The following NRXN2 variants were observed in gnomAD, a reference collection of about 807,000 sequenced individuals.
The protein encoded by NRXN2 is neurexin 2.
Under a neutral mutation model 128.8 loss-of-function variants are expected in NRXN2, and 29 were observed. The ratio of observed to expected loss-of-function variants is 0.23; its 90% CI spans 0.17 to 0.31. The LOEUF (loss-of-function observed/expected upper bound fraction) is 0.31. Among genes scored for constraint, NRXN2 ranks in the 10% least tolerant of loss-of-function variants. The probability of loss-of-function intolerance (pLI) is 1.00; values close to 1 mark genes in which losing one functional copy is unlikely to be tolerated. For synonymous variants in NRXN2, 1,098 were observed against 1,075.2 expected (o/e 1.02, Z -0.41); for missense variants, 1,881 against 2,452.6 (o/e 0.77, Z 4.92).
At position 64,716,638 on chromosome 11, in the gene NRXN2, G is replaced by A. The variant is rs183526748; in HGVS notation, c.-244-2695C>T. ...TTATGTGGTGCCTCCAGGGAGGGTC[G>A]GAAGCAGGGTCTGGGCCTGCGGCCC... On this transcript the variant is annotated intron_variant, in intron 1 of 22. Coordinates refer to ENST00000265459, the MANE Select transcript of NRXN2 (RefSeq NM_015080.4). Among the ~76,000 whole-genome samples, 43 of 152,230 alleles carry A rather than the reference G, an allele frequency of 2.8e-4. No homozygotes were observed. The East Asian group carries it at 6.8e-3, about 24-fold the overall frequency.
intron 7 of NRXN2, among the ~76,000 whole-genome samples, chr11:64,671,616 G>C (rs1406974737): frequency 6.6e-6 from 1 of 152,008 alleles, no homozygotes; most frequent in Non-Finnish European, 1.5e-5. Flanking sequence ...AGCAGAGTGA[G>C]GGCTAGACCC....
Position 64,667,436 on chromosome 11 carries a change from C to G in NRXN2, c.1612G>C (p.Ala538Pro). The G allele has an allele frequency of 1.2e-6, 2 of 1,614,156 alleles. No homozygotes were observed. The highest frequency in any genetic ancestry group is 8.5e-7 in the Non-Finnish European group (1 of 1,180,016). The change falls in exon 9 of 23, where the codon GCT (alanine) becomes CCT (proline). Residue 538 changes from alanine to proline, a missense_variant. Around this residue, in one of 7 missense-constraint regions of NRXN2, gnomAD observed 997 missense variants for 1,240.8 expected, o/e 0.80. Coordinates refer to ENST00000265459, the MANE Select transcript of NRXN2 (RefSeq NM_015080.4). The surrounding 1 kb of genome is among the most constrained non-coding windows in gnomAD (Gnocchi z 5.6). Reference sequence around the variant, plus strand: ...CTGTGGCTGCCAGCTCCACCCCCAGCCCGCCGGCCCTGGCTGAAGAGCAGC... The same window carrying G: ...CTGTGGCTGCCAGCTCCACCCCCAGGCCGCCGGCCCTGGCTGAAGAGCAGC... ...GLLLFSQGRR[A>P]GGGAGSHSSA...
At chr11:64,625,369 G>A (rs900806430) in intron 20 of NRXN2, among the ~76,000 whole-genome samples, 1 of 152,224 alleles carries the variant, frequency 6.6e-6, no homozygotes, top group Non-Finnish European at 1.5e-5. Flanking sequence ...AAGGGTTAAA[G>A]TTCACCCCGC....
intron 22 of NRXN2, among the ~76,000 whole-genome samples, chr11:64,616,096 C>CA (rs1350400221): frequency 6.6e-6 from 1 of 152,006 alleles, no homozygotes; most frequent in Admixed American, 6.6e-5. Flanking sequence ...TGAAGCTGAA[C>CA]AAATTGTGTG....
chr11:64,678,746 G>A (rs1009945331), intron 6 of NRXN2, among the ~76,000 whole-genome samples: 3 of 152,002 alleles, frequency 2.0e-5, no homozygotes, highest in African/African-American at 7.3e-5. Flanking sequence ...AGAGATGGAG[G>A]GACATTATTG....
rs866669948 is a variant in NRXN2 at position 64,607,731 on chromosome 11, C to T, written c.4604G>A (p.Arg1535Gln). ...TLLSPRKPAPRPNLRTDGATG... is the reference protein window; with the variant it reads ...TLLSPRKPAPQPNLRTDGATG... ...GGCCCCATCTGTCCTGAGGTTGGGCCGGGGAGCGGGTTTGCGGGGTGACAG... is the reference window on the plus strand; with the variant it reads ...GGCCCCATCTGTCCTGAGGTTGGGCTGGGGAGCGGGTTTGCGGGGTGACAG... The change falls in exon 23 of 23, where the codon CGG becomes CAG. Residue 1535 changes from arginine (R) to glutamine (Q), a missense_variant. Physicochemically the swap from Arg to Gln is conservative, Grantham distance 43. Coordinates refer to ENST00000265459, the MANE Select transcript of NRXN2 (RefSeq NM_015080.4). The T allele has an allele frequency of 6.4e-7, 1 of 1,567,678 alleles. No individual in the cohort carries two copies. The highest frequency in any genetic ancestry group is 8.6e-7 in the Non-Finnish European group (1 of 1,156,708).
At chr11:64,619,034 C>T (rs1294592817) in intron 22 of NRXN2, among the ~76,000 whole-genome samples, 1 of 152,144 alleles carries the variant, frequency 6.6e-6, no homozygotes, top group African/African-American at 2.4e-5. Flanking sequence ...GGTCGTGGCC[C>T]ACCCTCAGCC....
chr11:64,632,701 G>C lies in NRXN2; in HGVS notation c.3586-2128C>G, dbSNP rs1478239340. 5.3e-5 allele frequency among the ~76,000 whole-genome samples: 8 copies of C among 152,150 alleles called. No homozygotes were observed. The highest frequency in any genetic ancestry group is 1.9e-4 in the African/African-American group (8 of 41,400). On this transcript the variant is annotated intron_variant, in intron 18 of 22. Transcript: ENST00000265459. This position sits in a 1 kb window ranked among gnomAD's most constrained non-coding sequence, Gnocchi z 4.2. ...TCAGGGCCCTGCACTCCGGGGGAGA[G>C]GCAGCTCCCCAGAGCCTCTCCCAGT...
chr11:64,612,327 C>T (rs2040795549), intron 22 of NRXN2, among the ~76,000 whole-genome samples: 1 of 152,144 alleles, frequency 6.6e-6, no homozygotes, highest in African/African-American at 2.4e-5. Context: ...AGGATGCATC[C>T]TGGAATGGGG....
At chr11:64,608,388 A>C (rs1196377124) in intron 22 of NRXN2, among the ~76,000 whole-genome samples, 1 of 152,210 alleles carries the variant, frequency 6.6e-6, no homozygotes, top group Non-Finnish European at 1.5e-5. Flanking sequence ...CAGAAAAAAA[A>C]ACTCTACTGG....
At chr11:64,647,601 A>G (rs1378886422) in intron 17 of NRXN2, among the ~76,000 whole-genome samples, 1 of 152,202 alleles carries the variant, frequency 6.6e-6, no homozygotes, top group Non-Finnish European at 1.5e-5. Flanking sequence ...CGAAGACAGT[A>G]GGGAGTGACC....
In NRXN2 at chr11:64,632,751, A is replaced by G. The variant is rs1591634187; in HGVS notation, c.3586-2178T>C. Among the ~76,000 whole-genome samples, 1 of 152,208 alleles carries G rather than the reference A, an allele frequency of 6.6e-6. No homozygotes were observed. Among genetic ancestry groups the G allele is most frequent in the East Asian group, 1.9e-4 (1 of 5,198 alleles). On this transcript the variant is annotated intron_variant, in intron 18 of 22. Transcript: ENST00000265459. The surrounding 1 kb of genome is among the most constrained non-coding windows in gnomAD (Gnocchi z 4.2). Reference sequence around the variant, plus strand: ...TGTGAAGTCAGTTGTCACTTCTGTTAAAGTCATTAATTCCTAATTCCCCAA... The same window carrying G: ...TGTGAAGTCAGTTGTCACTTCTGTTGAAGTCATTAATTCCTAATTCCCCAA...
intron 7 of NRXN2, chr11:64,675,432 C>T (rs2051173473): frequency 6.6e-6 from 1 of 152,170 alleles, no homozygotes; most frequent in Admixed American, 6.5e-5. Flanking sequence ...ATTGGGAGCC[C>T]CAACTGTCAC....
Position 64,685,682 on chromosome 11 carries a change from G to C in NRXN2, c.1116C>G (p.Ala372=), listed in dbSNP as rs202176462. ...EPVNGKFNDN[A]WHDVRVTRNL... ...TTCGGGTGACCCGGACGTCGTGCCA[G>C]GCGTTGTCGTTGAACTTGCCATTGA... The change falls in exon 6 of 23, where the codon GCC becomes GCG. Residue 372 remains alanine, a synonymous_variant. Transcript: ENST00000265459. 9.7e-5 allele frequency: 156 copies of C among 1,614,234 alleles called. 1 individual carries two copies. The Admixed American group carries it at 2.5e-3, about 26-fold the overall frequency.
At chr11:64,678,904 A>G (rs972671942) in intron 6 of NRXN2, among the ~76,000 whole-genome samples, 4 of 152,228 alleles carry the variant, frequency 2.6e-5, no homozygotes, top group Admixed American at 2.6e-4. Context: ...AGGGCCTCAT[A>G]TAATTAAAAA....
chr11:64,667,415 G>A lies in NRXN2; in HGVS notation c.1633C>T (p.His545Tyr). Residue 545 changes from histidine (H) to tyrosine (Y), a missense_variant, in exon 9 of 23, where the codon CAC becomes TAC. Around this residue, in one of 7 missense-constraint regions of NRXN2, gnomAD observed 997 missense variants for 1,240.8 expected, o/e 0.80. Transcript: ENST00000265459. This position sits in a 1 kb window ranked among gnomAD's most constrained non-coding sequence, Gnocchi z 5.6. ...TAGTCGGCCCGCTGAGCAGAGCTGT[G>A]GCTGCCAGCTCCACCCCCAGCCCGC... ...GRRAGGGAGS[H>Y]SSAQRADYFA... 6.2e-7 allele frequency: 1 copy of A among 1,614,164 alleles called. No individual in the cohort carries two copies. Among genetic ancestry groups the A allele is most frequent in the Non-Finnish European group, 8.5e-7 (1 of 1,180,028 alleles).
chr11:64,700,584 C>T (rs2055199404), intron 2 of NRXN2, among the ~76,000 whole-genome samples: 1 of 152,192 alleles, frequency 6.6e-6, no homozygotes, highest in Admixed American at 6.5e-5. Flanking sequence ...CACAGAATCA[C>T]TTTTGCCCTT....
In NRXN2 at chr11:64,623,190, G is replaced by C; in HGVS notation, c.3848-112C>G. The C allele has an allele frequency of 6.9e-7, 1 of 1,442,846 alleles. No homozygotes were observed. The highest frequency in any genetic ancestry group is 9.2e-7 in the Non-Finnish European group (1 of 1,089,736). 89.4% of individuals were successfully genotyped at this position (1,442,846 alleles called of 1,614,324 possible). A position where few individuals can be genotyped will look rare whatever the true frequency, so the allele number is the denominator to read the frequency against. Reference sequence around the variant, plus strand: ...AGAGGAAAGAGGAATGGAGGAGAAAGCCAGTAAGGGAGGAGGGGACGGGGA... The same window carrying C: ...AGAGGAAAGAGGAATGGAGGAGAAACCCAGTAAGGGAGGAGGGGACGGGGA... On this transcript the variant is annotated intron_variant, in intron 20 of 22. Transcript: ENST00000265459. This position sits in a 1 kb window ranked among gnomAD's most constrained non-coding sequence, Gnocchi z 4.9.
chr11:64,672,632 A>G (rs891419140), intron 7 of NRXN2, among the ~76,000 whole-genome samples: 8 of 152,134 alleles, frequency 5.3e-5, no homozygotes, highest in Non-Finnish European at 1.0e-4. Context: ...TCCATGAGCC[A>G]AAGGTGGTTA....
Sources: gnomAD v4.1 joint callset for allele counts (sites outside exome capture counted in the v4.1 genomes callset) on GRCh38, gnomAD v4.1.1 for gene constraint, gnomAD v4.1.1 regional missense constraint, Gnocchi (gnomAD v3.1) non-coding constraint, MANE v1.5 for transcripts, NCBI Gene and HGNC (gene_info 2026-07-23, HGNC 2026-07-21) for gene names.